TMEM131L: variants seen among roughly 807,000 people sequenced by gnomAD.
TMEM131L encodes transmembrane 131 like, also known as transmembrane protein 131-like.
Under a neutral mutation model 192.2 loss-of-function variants are expected in TMEM131L, and 54 were observed. The ratio of observed to expected loss-of-function variants is 0.28; its 90% CI spans 0.23 to 0.35. TMEM131L has a LOEUF of 0.35. Among genes scored for constraint, TMEM131L ranks in the 10% least tolerant of loss-of-function variants. The pLI, the probability that TMEM131L is intolerant of heterozygous loss-of-function variation, is 1.00. For synonymous variants in TMEM131L, 701 were observed against 704.9 expected, an observed-to-expected ratio of 0.99 and a Z score of 0.09; for missense variants, 1,888 against 1,972.9, an observed-to-expected ratio of 0.96 and a Z score of 0.82.
chr4:153,589,843 C>CT (rs1272670496), intron 16 of TMEM131L, among the ~76,000 whole-genome samples: 1 of 152,258 alleles, frequency 6.6e-6, no homozygotes, highest in East Asian at 1.9e-4. Context: ...CTTTATTTCT[C>CT]TATGTGTACA....
rs766147083 is a variant in TMEM131L at position 153,602,327 on chromosome 4, T to C, written c.2442T>C (p.Asp814=). The change falls in exon 22 of 35, where the codon GAT becomes GAC. Residue 814 remains aspartate (D), a synonymous_variant. Coordinates refer to ENST00000409959, the MANE Select transcript of TMEM131L (RefSeq NM_001131007.2). ...CCCTGGACCCAAACACATCCCGCGA[T>C]ATCAGCATTGTGTAAGCATTGGGCT... ...QFSLDPNTSR[D]ISIVFTPDFT... 51 of 1,613,166 alleles carry C rather than the reference T, an allele frequency of 3.2e-5. 1 individual carries two copies. In the South Asian group the frequency reaches 5.5e-4, roughly 17 times the overall value.
intron 7 of TMEM131L, among the ~76,000 whole-genome samples, chr4:153,562,835 T>C (rs1292599260): frequency 6.6e-6 from 1 of 152,212 alleles, no homozygotes; most frequent in Admixed American, 6.5e-5. Flanking sequence ...AATTTGAAAT[T>C]GAGAGAAGAA....
chr4:153,591,273 C>A, intron 17 of TMEM131L, 79 bp downstream of exon 17: 1 of 1,352,050 alleles, frequency 7.4e-7, no homozygotes, highest in Admixed American at 2.6e-5. Context: ...ATTGTGTCCA[C>A]CTTTAGCTAC....
intron 18 of TMEM131L, among the ~76,000 whole-genome samples, chr4:153,593,395 T>C (rs1403931208): frequency 1.3e-5 from 2 of 152,074 alleles, no homozygotes; most frequent in African/African-American, 2.4e-5. Context: ...CAGTAGGAAC[T>C]CCCCAGCTGT....
intron 24 of TMEM131L, 163 bp from the exon 25 acceptor site, chr4:153,603,639 A>G (rs1360140708): frequency 2.0e-6 from 2 of 977,070 alleles, no homozygotes; most frequent in East Asian, 5.2e-5. Context: ...GACTTAGTTG[A>G]TGGGTATTCT....
At chr4:153,615,092 A>G (rs1280281065) in intron 26 of TMEM131L, among the ~76,000 whole-genome samples, 1 of 152,228 alleles carries the variant, frequency 6.6e-6, no homozygotes, top group East Asian at 1.9e-4. Flanking sequence ...TTGAATCTGC[A>G]TCATCATGTA....
chr4:153,601,861 A>T (rs987651431), intron 21 of TMEM131L: 15 of 192,122 alleles, frequency 7.8e-5, no homozygotes, highest in Non-Finnish European at 1.5e-4. Flanking sequence ...TTAACCTTTA[A>T]CAAGTAAAGG....
chr4:153,507,328 G>C (rs1240482126), intron 3 of TMEM131L, among the ~76,000 whole-genome samples: 1 of 152,206 alleles, frequency 6.6e-6, no homozygotes, highest in African/African-American at 2.4e-5. Flanking sequence ...AGGACTAACT[G>C]CTAGAGGCTG....
intron 9 of TMEM131L, 81 bp downstream of exon 9, chr4:153,581,641 T>C: frequency 1.0e-6 from 1 of 988,488 alleles, no homozygotes; most frequent in Non-Finnish European, 1.4e-6. Flanking sequence ...ACAGATTGTA[T>C]CATAGCAAAC....
chr4:153,632,758 G>A lies in TMEM131L; in HGVS notation c.4248G>A (p.Val1416=), dbSNP rs142655540. The A allele has an allele frequency of 1.2e-6, 2 of 1,614,112 alleles. No individual in the cohort carries two copies. The highest frequency in any genetic ancestry group is 3.3e-5 in the Admixed American group (2 of 60,012). The change falls in exon 32 of 35, where the codon GTG becomes GTA. Residue 1416 remains valine, a synonymous_variant. Coordinates refer to ENST00000409959, the MANE Select transcript of TMEM131L (RefSeq NM_001131007.2). ...GAGACCTGTGGCCCACTCCGCCAGT[G>A]TGTGTGACAAGCAGCTTAAACTGCA... ...SPGDLWPTPP[V]CVTSSLNCTL...
chr4:153,552,376 G>A (rs1034880830), intron 4 of TMEM131L, among the ~76,000 whole-genome samples: 1 of 152,082 alleles, frequency 6.6e-6, no homozygotes, highest in Non-Finnish European at 1.5e-5. Context: ...TTACTCTTCA[G>A]TAACGTAAAA....
At chr4:153,616,984 T>C (rs1733016823) in intron 26 of TMEM131L, among the ~76,000 whole-genome samples, 1 of 152,204 alleles carries the variant, frequency 6.6e-6, no homozygotes, top group Non-Finnish European at 1.5e-5. Flanking sequence ...TTGTTATAGA[T>C]GTCAAAAAAT....
intron 7 of TMEM131L, among the ~76,000 whole-genome samples, chr4:153,573,145 A>G (rs973180008): frequency 5.3e-5 from 8 of 152,218 alleles, no homozygotes; most frequent in Admixed American, 3.3e-4. Context: ...AGATGGGTGT[A>G]TAAGTATCTG....
Position 153,497,476 on chromosome 4 carries a change from C to T in TMEM131L, c.239+23588C>T, listed in dbSNP as rs544369245. Among the ~76,000 whole-genome samples, 15 of 152,278 alleles carry T rather than the reference C, an allele frequency of 9.9e-5. No individual in the cohort carries two copies. In the South Asian group the frequency reaches 3.1e-3, roughly 32 times the overall value. ...CTCCCCTGGCCTCTGAGATAAGCCT[C>T]TCAGGAACCTGTGGCTCTCTAACCC... On this transcript the variant is annotated intron_variant, in intron 3 of 34. Coordinates refer to ENST00000409959, the MANE Select transcript of TMEM131L (RefSeq NM_001131007.2).
At chr4:153,512,477 A>G (rs1024626128) in intron 3 of TMEM131L, among the ~76,000 whole-genome samples, 1 of 152,228 alleles carries the variant, frequency 6.6e-6, no homozygotes, top group African/African-American at 2.4e-5. Context: ...AGTCATAGCA[A>G]CATTTTAACA....
rs2126967185 is a variant in TMEM131L at position 153,636,633 on chromosome 4, G to A, written c.*57G>A. On this transcript the variant is annotated 3_prime_UTR_variant, in exon 35 of 35. Transcript: ENST00000409959. ...AGAGGCTTGTGTTTTGATTACTAGT[G>A]TAAACTGGTTATTGAGATAGATTAT... The A allele has an allele frequency of 1.3e-6, 2 of 1,519,022 alleles. No homozygotes were observed. The highest frequency in any genetic ancestry group is 1.8e-6 in the Non-Finnish European group (2 of 1,109,288). The allele number at this position is 1,519,022 out of a possible 1,614,324, so 94.1% of individuals were successfully genotyped here. A position where few individuals can be genotyped will look rare whatever the true frequency, so the allele number is the denominator to read the frequency against.
intron 7 of TMEM131L, among the ~76,000 whole-genome samples, chr4:153,575,741 T>G (rs1729890636): frequency 6.6e-6 from 1 of 152,170 alleles, no homozygotes; most frequent in South Asian, 2.1e-4. Flanking sequence ...TCTGATTTGT[T>G]AAAGGAGTAT....
At chr4:153,556,420 A>G (rs1215632642) in intron 5 of TMEM131L, among the ~76,000 whole-genome samples, 1 of 152,152 alleles carries the variant, frequency 6.6e-6, no homozygotes, top group Non-Finnish European at 1.5e-5. Flanking sequence ...TAATAGTTTT[A>G]ATTTCAGTGG....
chr4:153,527,749 A>G (rs945627019), intron 3 of TMEM131L, among the ~76,000 whole-genome samples: 3 of 152,224 alleles, frequency 2.0e-5, no homozygotes, highest in African/African-American at 7.2e-5. Flanking sequence ...AACGCAGCCC[A>G]GGAAGGGAAC....
Sources: gnomAD v4.1 joint callset for allele counts (sites outside exome capture counted in the v4.1 genomes callset) on GRCh38, gnomAD v4.1.1 for gene constraint, MANE v1.5 for transcripts, NCBI Gene and HGNC (gene_info 2026-07-23, HGNC 2026-07-21) for gene names.